SCN11A: variants seen among roughly 807,000 people sequenced by gnomAD.
SCN11A encodes sodium channel protein type 11 subunit alpha.
In SCN11A, 122 loss-of-function variants were observed where a neutral mutation model predicts 162.2. That is an observed-to-expected ratio of 0.75 (90% CI 0.65 to 0.87). The LOEUF (loss-of-function observed/expected upper bound fraction) is 0.87. Among genes scored for constraint, SCN11A ranks in the 40% least tolerant of loss-of-function variants. The probability of loss-of-function intolerance (pLI) is 0.00; values close to 1 mark genes in which losing one functional copy is unlikely to be tolerated. For synonymous variants in SCN11A, 758 were observed against 751.5 expected (o/e 1.01, Z -0.14); for missense variants, 2,015 against 2,181.6 (o/e 0.92, Z 1.52).
intron 1 of SCN11A, among the ~76,000 whole-genome samples, chr3:39,032,918 G>C (rs1489289897): frequency 1.3e-5 from 2 of 152,256 alleles, no homozygotes; most frequent in South Asian, 4.1e-4. Context: ...TTGGGAGGCC[G>C]AGGTGGGCAG....
chr3:39,050,127 T>C (rs567869073), intron 1 of SCN11A, among the ~76,000 whole-genome samples: 118 of 152,236 alleles, frequency 7.8e-4, no homozygotes, highest in Non-Finnish European at 1.5e-3. Flanking sequence ...CAGCTTCCCA[T>C]TGGTCTAAAA....
chr3:38,946,262 C>T (rs917017026), intron 6 of SCN11A, among the ~76,000 whole-genome samples: 1 of 152,184 alleles, frequency 6.6e-6, no homozygotes, highest in Admixed American at 6.5e-5. Flanking sequence ...GCAGCAATTC[C>T]TTACTCTACC....
chr3:39,021,046 A>G (rs1464122177), intron 2 of SCN11A, among the ~76,000 whole-genome samples: 1 of 152,192 alleles, frequency 6.6e-6, no homozygotes, highest in African/African-American at 2.4e-5. Context: ...CTGTTAAAAA[A>G]AAAAATAAGC....
chr3:38,850,995 T>G (rs2126080036), intron 28 of SCN11A, among the ~76,000 whole-genome samples: 1 of 152,310 alleles, frequency 6.6e-6, no homozygotes, highest in South Asian at 2.1e-4. Flanking sequence ...TAATTCCATT[T>G]TAAAACAAAA....
intron 22 of SCN11A, among the ~76,000 whole-genome samples, chr3:38,881,897 C>T (rs928003028): frequency 1.3e-5 from 2 of 152,168 alleles, no homozygotes; most frequent in African/African-American, 4.8e-5. Flanking sequence ...TCTGATCATA[C>T]ATTTTCTTTT....
intron 3 of SCN11A, among the ~76,000 whole-genome samples, chr3:38,957,433 A>G (rs2066695148): frequency 6.6e-6 from 1 of 152,202 alleles, no homozygotes; most frequent in Non-Finnish European, 1.5e-5. Flanking sequence ...ACAAGATATC[A>G]AGCACGACAG....
chr3:39,033,118 A>C (rs932231749), intron 1 of SCN11A, among the ~76,000 whole-genome samples: 2 of 151,622 alleles, frequency 1.3e-5, no homozygotes, highest in Non-Finnish European at 2.9e-5. Flanking sequence ...GCGCCACTGC[A>C]CTCCAGCCTG....
intron 3 of SCN11A, among the ~76,000 whole-genome samples, chr3:38,958,880 A>T (rs1208225372): frequency 6.6e-6 from 1 of 152,188 alleles, no homozygotes; most frequent in Admixed American, 6.5e-5. Context: ...ATTCTTGGGG[A>T]TATCTGAAAG....
chr3:38,872,185 G>C lies in SCN11A; in HGVS notation c.3495+8C>G, dbSNP rs373980473. 8.2e-4 allele frequency: 1,249 copies of C among 1,517,120 alleles called. 27 individuals are homozygous for C. In the South Asian group the frequency reaches 0.013, roughly 16 times the overall value. The allele number at this position is 1,517,120 out of a possible 1,614,324, so 94.0% of individuals were successfully genotyped here. On this transcript the variant is annotated splice_region_variant and intron_variant, in intron 24 of 29. Transcript: ENST00000302328. Reference sequence around the variant, plus strand: ...CTGAACTTCTACCCATTCTTCTGCAGAATGTACCTTCATTCCTTCAAACTG... The same window carrying C: ...CTGAACTTCTACCCATTCTTCTGCACAATGTACCTTCATTCCTTCAAACTG...
intron 7 of SCN11A, among the ~76,000 whole-genome samples, chr3:38,941,837 T>C (rs1250775940): frequency 6.8e-6 from 1 of 147,834 alleles, no homozygotes; most frequent in Non-Finnish European, 1.5e-5. Context: ...AATAGAAAAA[T>C]AGCAAAGCAA....
At chr3:38,956,287 C>T (rs7637036) in intron 3 of SCN11A, among the ~76,000 whole-genome samples, 71,230 of 151,764 alleles carry the variant, frequency 0.47, 19,505 homozygotes, top group African/African-American at 0.78. Context: ...AAGCAATTGC[C>T]CTGACAGAAA....
At chr3:38,958,007 TGGCCTGGACAATA>T (rs2066702384) in intron 3 of SCN11A, among the ~76,000 whole-genome samples, 1 of 151,838 alleles carries the variant, frequency 6.6e-6, no homozygotes, top group African/African-American at 2.4e-5. Flanking sequence ...GGGAGGGAGG[TGGCCTGGACAATA>T]GGCAACGTAG....
intron 2 of SCN11A, among the ~76,000 whole-genome samples, chr3:38,975,762 T>A (rs968458507): frequency 6.6e-6 from 1 of 152,194 alleles, no homozygotes. Context: ...ATTACACTTA[T>A]ATGAGATACC....
intron 7 of SCN11A, among the ~76,000 whole-genome samples, chr3:38,933,646 A>G (rs1428718461): frequency 1.3e-5 from 2 of 152,218 alleles, no homozygotes; most frequent in African/African-American, 2.4e-5. Context: ...GAAATGAATG[A>G]AATGAAGCGA....
intron 2 of SCN11A, among the ~76,000 whole-genome samples, chr3:39,009,529 G>A (rs2031070968): frequency 6.6e-6 from 1 of 150,610 alleles, no homozygotes; most frequent in Admixed American, 6.7e-5. Context: ...CTAATGGAGA[G>A]TTTAGGTTGA....
intron 3 of SCN11A, among the ~76,000 whole-genome samples, chr3:38,956,657 G>C (rs2066685160): frequency 1.3e-5 from 2 of 152,074 alleles, no homozygotes; most frequent in African/African-American, 4.8e-5. Flanking sequence ...GAAAATAGTA[G>C]CTACAAAATT....
At chr3:38,896,785 T>C (rs2065603605) in intron 18 of SCN11A, 60 bp downstream of exon 18, 2 of 1,340,062 alleles carry the variant, frequency 1.5e-6, no homozygotes, top group African/African-American at 1.5e-5. Context: ...AATGAAGTAA[T>C]GCATTTGAGA....
chr3:38,867,053 T>C (rs1330753317), intron 27 of SCN11A, among the ~76,000 whole-genome samples: 1 of 152,214 alleles, frequency 6.6e-6, no homozygotes, highest in Non-Finnish European at 1.5e-5. Context: ...CAGTTATTAA[T>C]GGGTTTCATC....
intron 3 of SCN11A, among the ~76,000 whole-genome samples, chr3:38,956,346 G>A (rs2066681733): frequency 6.6e-6 from 1 of 152,128 alleles, no homozygotes; most frequent in African/African-American, 2.4e-5. Context: ...AAAATTTTAT[G>A]TAACAAAAAA....
Sources: gnomAD v4.1 joint callset for allele counts (sites outside exome capture counted in the v4.1 genomes callset) on GRCh38, gnomAD v4.1.1 for gene constraint, MANE v1.5 for transcripts, NCBI Gene and HGNC (gene_info 2026-07-23, HGNC 2026-07-21) for gene names.